ANKRD44: variants seen among roughly 807,000 people sequenced by gnomAD.
The protein encoded by ANKRD44 is serine/threonine-protein phosphatase 6 regulatory ankyrin repeat subunit B.
A neutral mutation model predicts 116.0 loss-of-function variants in ANKRD44; 35 were observed. The observed-to-expected ratio is 0.30, with a 90% confidence interval of 0.23 to 0.40. ANKRD44 has a LOEUF of 0.40. Among genes scored for constraint, ANKRD44 ranks in the 10% least tolerant of loss-of-function variants. The pLI is 1.00. For synonymous variants in ANKRD44, 435 were observed against 461.8 expected (o/e 0.94, Z 0.74); for missense variants, 1,014 against 1,242.6 (o/e 0.82, Z 2.77).
At chr2:197,075,826 A>G (rs1379087575) in intron 16 of ANKRD44, among the ~76,000 whole-genome samples, 1 of 152,210 alleles carries the variant, frequency 6.6e-6, no homozygotes, top group Admixed American at 6.5e-5. Context: ...GCCAAAGTAA[A>G]CGCAGACCAA....
chr2:196,987,975 G>C lies in ANKRD44; in HGVS notation c.*1616C>G. The C allele has an allele frequency of 1.0e-6, 1 of 985,358 alleles. No homozygotes were observed. 61.0% of individuals were successfully genotyped at this position (985,358 alleles called of 1,614,324 possible). ...TTGGGGTATGGGAGAAAGAGAAAGAGAGGAAGAGAGAGAGAGAGAGATCAG... is the reference window on the plus strand; with the variant it reads ...TTGGGGTATGGGAGAAAGAGAAAGACAGGAAGAGAGAGAGAGAGAGATCAG... On this transcript the variant is annotated 3_prime_UTR_variant, in exon 28 of 28. Coordinates refer to ENST00000282272, the MANE Select transcript of ANKRD44 (RefSeq NM_001195144.2).
chr2:197,232,855 G>A (rs547301811), intron 1 of ANKRD44, among the ~76,000 whole-genome samples: 1 of 152,192 alleles, frequency 6.6e-6, no homozygotes, highest in Non-Finnish European at 1.5e-5. Flanking sequence ...ATACCAAGAA[G>A]AGATGGAAGG....
At chr2:197,187,176 GAGA>G (rs2080698835) in intron 1 of ANKRD44, 70 bp from the exon 2 acceptor site, 2 of 1,448,486 alleles carry the variant, frequency 1.4e-6, no homozygotes, top group Admixed American at 1.7e-5. Flanking sequence ...TGCAGATGGT[GAGA>G]AGATTTGTTC....
At chr2:197,122,262 G>A (rs1415142580) in intron 7 of ANKRD44, among the ~76,000 whole-genome samples, 1 of 152,120 alleles carries the variant, frequency 6.6e-6, no homozygotes, top group African/African-American at 2.4e-5. Flanking sequence ...GCCTTTTCCA[G>A]CTCAAGAGTA....
chr2:197,071,123 AC>A (rs1284038495), intron 16 of ANKRD44, among the ~76,000 whole-genome samples: 3 of 152,098 alleles, frequency 2.0e-5, no homozygotes, highest in Admixed American at 1.3e-4. Context: ...TTTCTTAGCT[AC>A]ACGTTTGTCA....
chr2:197,168,575 G>A (rs763599209), intron 2 of ANKRD44, among the ~76,000 whole-genome samples: 1 of 152,120 alleles, frequency 6.6e-6, no homozygotes, highest in Non-Finnish European at 1.5e-5. Context: ...CCCCTGCGAA[G>A]CAACTCTTTA....
intron 1 of ANKRD44, among the ~76,000 whole-genome samples, chr2:197,297,710 G>A (rs573829509): frequency 2.6e-5 from 4 of 152,172 alleles, no homozygotes; most frequent in South Asian, 2.1e-4. Flanking sequence ...GAAATTGTTC[G>A]GTTAGATGCC....
At chr2:197,256,794 G>A (rs565842394) in intron 1 of ANKRD44, among the ~76,000 whole-genome samples, 3 of 152,108 alleles carry the variant, frequency 2.0e-5, no homozygotes, top group African/African-American at 4.8e-5. Flanking sequence ...TAAGCTAATC[G>A]CTCCTGTGCA....
chr2:197,165,253 G>A (rs986451843), intron 2 of ANKRD44, among the ~76,000 whole-genome samples: 27 of 152,336 alleles, frequency 1.8e-4, no homozygotes, highest in African/African-American at 6.3e-4. Context: ...AGGAGAATAT[G>A]TCCAAGGGCC....
chr2:197,246,540 A>G (rs755593664), intron 1 of ANKRD44, among the ~76,000 whole-genome samples: 7 of 151,248 alleles, frequency 4.6e-5, no homozygotes, highest in Non-Finnish European at 1.0e-4. Context: ...CATCCCTACA[A>G]TGGGACCTTG....
chr2:197,069,808 A>G (rs187474988), intron 16 of ANKRD44, among the ~76,000 whole-genome samples: 1 of 152,082 alleles, frequency 6.6e-6, no homozygotes. Flanking sequence ...TAGAATTTTG[A>G]TAAGAATTGT....
chr2:197,304,070 C>A (rs1440664379), intron 1 of ANKRD44, among the ~76,000 whole-genome samples: 1 of 152,146 alleles, frequency 6.6e-6, no homozygotes, highest in Non-Finnish European at 1.5e-5. Context: ...CTTTGGGAGG[C>A]TGAGGCAGGC....
rs1437651924 is a variant in ANKRD44, at chr2:197,081,860, T to C, written c.1458-135A>G. The C allele has an allele frequency of 8.0e-5, 53 of 665,188 alleles. 1 individual carries two copies. The South Asian group carries it at 8.4e-4, about 11-fold the overall frequency. The allele number at this position is 665,188 out of a possible 1,614,324, so 41.2% of individuals were successfully genotyped here. On this transcript the variant is annotated intron_variant, in intron 14 of 27. Coordinates refer to ENST00000282272, the MANE Select transcript of ANKRD44 (RefSeq NM_001195144.2). ...AAGAAGTAAGCACCACTGATTTTCA[T>C]TGAAGATATACATGGTTCTCTCCAA...
chr2:197,187,951 C>G (rs544397028), intron 1 of ANKRD44, among the ~76,000 whole-genome samples: 1 of 152,136 alleles, frequency 6.6e-6, no homozygotes, highest in African/African-American at 2.4e-5. Flanking sequence ...TCCTTGTTAT[C>G]CTCAAATAAT....
intron 7 of ANKRD44, among the ~76,000 whole-genome samples, chr2:197,122,409 G>T (rs1414057885): frequency 6.6e-6 from 1 of 152,096 alleles, no homozygotes; most frequent in Non-Finnish European, 1.5e-5. Context: ...ATATTACATA[G>T]AATCTTTATG....
intron 2 of ANKRD44, among the ~76,000 whole-genome samples, chr2:197,180,728 A>G (rs2080482622): frequency 6.6e-6 from 1 of 152,234 alleles, no homozygotes. Context: ...GACATAATAT[A>G]ATCAAGCAGA....
At chr2:197,124,041 C>T (rs1465400025) in intron 6 of ANKRD44, among the ~76,000 whole-genome samples, 1 of 152,124 alleles carries the variant, frequency 6.6e-6, no homozygotes, top group Non-Finnish European at 1.5e-5. Context: ...TCTTTGAGTC[C>T]TATCCACACT....
intron 9 of ANKRD44, among the ~76,000 whole-genome samples, chr2:197,106,591 C>T (rs1230133610): frequency 1.3e-5 from 2 of 152,064 alleles, no homozygotes; most frequent in Admixed American, 1.3e-4. Flanking sequence ...AGATTGAGAC[C>T]ATCCTGGCTA....
intron 1 of ANKRD44, among the ~76,000 whole-genome samples, chr2:197,292,676 G>A (rs552591825): frequency 6.6e-6 from 1 of 152,238 alleles, no homozygotes; most frequent in East Asian, 1.9e-4. Flanking sequence ...TAGGGGTTGG[G>A]GATAAAAAAT....
Sources: allele counts gnomAD v4.1 joint callset (sites outside exome capture counted in the v4.1 genomes callset), GRCh38; gene constraint gnomAD v4.1.1; transcripts MANE v1.5; gene names NCBI Gene and HGNC (gene_info 2026-07-23, HGNC 2026-07-21).